The following CHL1 variants were observed in gnomAD, a reference collection of about 807,000 sequenced individuals.
CHL1 encodes neural cell adhesion molecule L1-like protein.
CHL1 carries 96 observed loss-of-function variants against 141.9 expected under a neutral mutation model. The ratio of observed to expected loss-of-function variants is 0.68; its 90% CI spans 0.57 to 0.80. The LOEUF (loss-of-function observed/expected upper bound fraction) is 0.80, where lower values mean the gene tolerates loss of function less well. Ranked by LOEUF, CHL1 falls within the 30% of genes least tolerant of loss-of-function variation. The pLI is 0.00. For missense variants in CHL1, 1,820 were observed against 1,457.2 expected, an observed-to-expected ratio of 1.25 and a Z score of -4.05; for synonymous variants, 613 against 502.2, an observed-to-expected ratio of 1.22 and a Z score of -2.95.
chr3:259,479 C>T (rs1270967700), intron 2 of CHL1, among the ~76,000 whole-genome samples: 1 of 152,090 alleles, frequency 6.6e-6, no homozygotes, highest in East Asian at 1.9e-4. Context: ...TTTTATTTTT[C>T]CTTAGCCTGT....
intron 2 of CHL1, among the ~76,000 whole-genome samples, chr3:276,948 T>A (rs1032616382): frequency 3.3e-5 from 5 of 149,920 alleles, no homozygotes; most frequent in Admixed American, 3.3e-4. Context: ...TTATCCGGGT[T>A]CCATTCTAAA....
At chr3:262,576 C>G (rs1484954881) in intron 2 of CHL1, among the ~76,000 whole-genome samples, 3 of 150,262 alleles carry the variant, frequency 2.0e-5, no homozygotes, top group Non-Finnish European at 4.4e-5. Context: ...ACACAGTACT[C>G]ACAGGGCAGG....
chr3:242,348 G>C (rs1445960906), intron 1 of CHL1, among the ~76,000 whole-genome samples: 3 of 149,468 alleles, frequency 2.0e-5, no homozygotes, highest in Non-Finnish European at 3.0e-5. Flanking sequence ...TGTAATCCCA[G>C]CACTTTGGGA....
chr3:380,239 G>A (rs1372863861), intron 16 of CHL1, among the ~76,000 whole-genome samples: 1 of 152,174 alleles, frequency 6.6e-6, no homozygotes, highest in East Asian at 1.9e-4. Flanking sequence ...TTTGGACACA[G>A]TCATGAACCA....
chr3:292,192 T>C (rs1477112573), intron 2 of CHL1, among the ~76,000 whole-genome samples: 2 of 152,228 alleles, frequency 1.3e-5, no homozygotes, highest in East Asian at 3.8e-4. Context: ...AATATCTAAA[T>C]GGTAGACGTA....
At position 203,678 on chromosome 3, in the gene CHL1, G is replaced by T. The variant is rs944105989; in HGVS notation, c.-175+6615G>T. 2.0e-5 allele frequency among the ~76,000 whole-genome samples: 3 copies of T among 152,234 alleles called. No homozygotes were observed. The East Asian group carries it at 5.8e-4, about 29-fold the overall frequency. ...GGAGCAGTAGCTCTGGAAGAGGGCT[G>T]TCACGTGGGACCTATGGCTTTTGGT... On this transcript the variant is annotated intron_variant, in intron 1 of 27. Coordinates refer to ENST00000256509, the MANE Select transcript of CHL1 (RefSeq NM_006614.4).
chr3:211,875 T>A (rs1699932317), intron 1 of CHL1, among the ~76,000 whole-genome samples: 1 of 152,202 alleles, frequency 6.6e-6, no homozygotes, highest in Non-Finnish European at 1.5e-5. Flanking sequence ...AACTAGCTAT[T>A]TAAGCAAGAT....
Position 313,818 on chromosome 3 carries a change from A to G in CHL1, c.-94-5865A>G, listed in dbSNP as rs551037378. 1.0e-3 allele frequency among the ~76,000 whole-genome samples: 154 copies of G among 152,310 alleles called. 1 individual carries two copies. In the Middle Eastern group the frequency reaches 0.01, roughly 10 times the overall value. ...TGGTGAATTAAGGATCAAAGCATTA[A>G]AGAAAAATGAACAGGCATCATGTAT... is the stretch of plus-strand genomic sequence containing the variant. On this transcript the variant is annotated intron_variant, in intron 2 of 27. Transcript: ENST00000256509.
intron 2 of CHL1, among the ~76,000 whole-genome samples, chr3:269,817 C>T (rs1231188759): frequency 6.6e-6 from 1 of 152,158 alleles, no homozygotes; most frequent in Non-Finnish European, 1.5e-5. Flanking sequence ...TGAGCCACCA[C>T]ACTCAGCCAA....
chr3:209,727 G>A (rs548579912), intron 1 of CHL1, among the ~76,000 whole-genome samples: 4 of 152,134 alleles, frequency 2.6e-5, no homozygotes, highest in African/African-American at 9.6e-5. Context: ...GCCACCCCAC[G>A]ACAGGCCCCG....
At chr3:376,282 T>A in intron 15 of CHL1, 1 of 449,952 alleles carries the variant, frequency 2.2e-6, no homozygotes, top group Non-Finnish European at 4.4e-6. Flanking sequence ...TGTGTGACCC[T>A]ATGTGTGACA....
At chr3:264,475 T>G (rs1694996155) in intron 2 of CHL1, among the ~76,000 whole-genome samples, 5 of 152,208 alleles carry the variant, frequency 3.3e-5, no homozygotes, top group Admixed American at 3.3e-4. Context: ...GGAATTCGCC[T>G]CTTTAAGAAA....
intron 2 of CHL1, among the ~76,000 whole-genome samples, chr3:288,271 T>A (rs900316954): frequency 1.3e-5 from 2 of 152,182 alleles, no homozygotes; most frequent in African/African-American, 2.4e-5. Flanking sequence ...TAATCTATTA[T>A]CTCCTCTCTC....
chr3:360,230 T>C, intron 11 of CHL1, 54 bp from the exon 12 acceptor site: 1 of 1,590,538 alleles, frequency 6.3e-7, no homozygotes, highest in Non-Finnish European at 8.6e-7. Context: ...AAATGGTGTA[T>C]AAATATTTTA....
intron 4 of CHL1, 83 bp downstream of exon 4, chr3:326,147 T>C (rs1159478610): frequency 7.7e-6 from 6 of 777,902 alleles, no homozygotes; most frequent in East Asian, 2.8e-5. Context: ...CACAAGCCTG[T>C]TGGACTATGA....
intron 2 of CHL1, among the ~76,000 whole-genome samples, chr3:275,003 A>C (rs956288711): frequency 1.3e-5 from 2 of 152,244 alleles, no homozygotes; most frequent in Non-Finnish European, 2.9e-5. Context: ...TTAGACAGTA[A>C]ATTCTCTTTG....
intron 9 of CHL1, among the ~76,000 whole-genome samples, chr3:345,863 AC>A (rs763397721): frequency 5.9e-5 from 9 of 152,122 alleles, no homozygotes; most frequent in Non-Finnish European, 1.3e-4. Context: ...CCATTTATTA[AC>A]TACTGTTAAG....
intron 15 of CHL1, among the ~76,000 whole-genome samples, chr3:374,972 C>T (rs1000346719): frequency 2.6e-5 from 4 of 152,152 alleles, no homozygotes; most frequent in African/African-American, 9.7e-5. Context: ...TCTCGCTTGT[C>T]CCCTTTCTTG....
At chr3:322,199 G>T (rs1406067611) in intron 3 of CHL1, among the ~76,000 whole-genome samples, 2 of 152,006 alleles carry the variant, frequency 1.3e-5, no homozygotes, top group African/African-American at 4.8e-5. Context: ...CAGACATTTT[G>T]CATGTTGGTT....
Sources: allele counts gnomAD v4.1 joint callset (sites outside exome capture counted in the v4.1 genomes callset), GRCh38; gene constraint gnomAD v4.1.1; transcripts MANE v1.5; gene names NCBI Gene and HGNC (gene_info 2026-07-23, HGNC 2026-07-21).